STK32B: variants seen among roughly 807,000 people sequenced by gnomAD.
STK32B encodes serine/threonine kinase 32B.
A neutral mutation model predicts 52.6 loss-of-function variants in STK32B; 43 were observed. The observed-to-expected ratio is 0.82, with a 90% CI of 0.64 to 1.05. The LOEUF (loss-of-function observed/expected upper bound fraction) is 1.05, where lower values mean the gene tolerates loss of function less well. STK32B is among the 50% of genes least tolerant of loss of function. The pLI is 0.00. For missense variants in STK32B, 621 were observed against 534.6 expected (o/e 1.16, Z -1.59); for synonymous variants, 238 against 204.3 (o/e 1.17, Z -1.41).
At chr4:5,119,851 G>T (rs913507019) in intron 1 of STK32B, among the ~76,000 whole-genome samples, 1 of 152,118 alleles carries the variant, frequency 6.6e-6, no homozygotes, top group Non-Finnish European at 1.5e-5. Context: ...ACTCCATTTT[G>T]TAAAAAGTTT....
At chr4:5,140,297 TG>T in intron 2 of STK32B, 1 of 1,331,516 alleles carries the variant, frequency 7.5e-7, no homozygotes, top group Non-Finnish European at 9.8e-7. Context: ...CATAGACGTT[TG>T]TTGTTTTGGT....
In STK32B at chr4:5,051,670, G is replaced by A. The variant is rs1343199854; in HGVS notation, c.-194G>A. 4.9e-6 allele frequency: 3 copies of A among 614,156 alleles called. No individual in the cohort carries two copies. The highest frequency in any genetic ancestry group is 2.7e-6 in the Non-Finnish European group (1 of 375,966). The allele number at this position is 614,156 out of a possible 1,614,324, so 38.0% of individuals were successfully genotyped here. ...CGGCGAGAGCGGGGTCCCTGCGAGC[G>A]CAGTCGGAAGGGCGTCCAGGAGAAG... On this transcript the variant is annotated 5_prime_UTR_variant, in exon 1 of 12. Transcript: ENST00000282908.
intron 3 of STK32B, among the ~76,000 whole-genome samples, chr4:5,202,379 T>C (rs968998196): frequency 6.6e-6 from 1 of 152,206 alleles, no homozygotes; most frequent in African/African-American, 2.4e-5. Context: ...CCAAATATCA[T>C]GGCTGCTTTC....
At chr4:5,299,030 T>G (rs1362996585) in intron 3 of STK32B, among the ~76,000 whole-genome samples, 3 of 151,948 alleles carry the variant, frequency 2.0e-5, no homozygotes, top group Non-Finnish European at 2.9e-5. Context: ...CCCTCATGGC[T>G]TCCCTTGGCT....
chr4:5,317,558 T>TATAA (rs1200055898), intron 3 of STK32B, among the ~76,000 whole-genome samples: 1 of 122,848 alleles, frequency 8.1e-6, no homozygotes. Context: ...TATATATATA[T>TATAA]AACTTGAAAA....
chr4:5,471,245 G>A (rs973590631), intron 11 of STK32B, among the ~76,000 whole-genome samples: 1 of 152,184 alleles, frequency 6.6e-6, no homozygotes, highest in South Asian at 2.1e-4. Context: ...ACTTCAGAAT[G>A]TGACCTTATT....
chr4:5,293,631 G>A (rs1729021322), intron 3 of STK32B, among the ~76,000 whole-genome samples: 1 of 151,914 alleles, frequency 6.6e-6, no homozygotes, highest in African/African-American at 2.4e-5. Flanking sequence ...TTTTTGATGG[G>A]GCTGTTTGTT....
At chr4:5,153,775 A>C (rs1304549512) in intron 2 of STK32B, among the ~76,000 whole-genome samples, 3 of 152,174 alleles carry the variant, frequency 2.0e-5, no homozygotes, top group African/African-American at 7.2e-5. Context: ...TTTTTTCTAC[A>C]TGGAAAACAT....
chr4:5,088,274 G>A (rs541004269), intron 1 of STK32B, among the ~76,000 whole-genome samples: 1 of 152,082 alleles, frequency 6.6e-6, no homozygotes, highest in Admixed American at 6.5e-5. Context: ...TCATAGATTT[G>A]TGGGATCTAA....
intron 3 of STK32B, among the ~76,000 whole-genome samples, chr4:5,188,007 T>G (rs959246543): frequency 6.6e-6 from 1 of 152,178 alleles, no homozygotes; most frequent in African/African-American, 2.4e-5. Flanking sequence ...AGTTTCCTCG[T>G]GTAGGGCGCG....
At chr4:5,054,596 C>T (rs549128058) in intron 1 of STK32B, among the ~76,000 whole-genome samples, 4 of 152,224 alleles carry the variant, frequency 2.6e-5, no homozygotes, top group Non-Finnish European at 5.9e-5. Context: ...AATGCCTGGC[C>T]GGCCTTAAAG....
chr4:5,372,842 G>A (rs947663740), intron 4 of STK32B, among the ~76,000 whole-genome samples: 1 of 152,082 alleles, frequency 6.6e-6, no homozygotes, highest in East Asian at 1.9e-4. Flanking sequence ...GAGCATGAAA[G>A]CCTAGTTTTC....
intron 3 of STK32B, among the ~76,000 whole-genome samples, chr4:5,177,279 G>C (rs1193084837): frequency 1.3e-5 from 2 of 152,192 alleles, no homozygotes; most frequent in Non-Finnish European, 2.9e-5. Context: ...AGGATGGAGT[G>C]AGTGCCAGTG....
At chr4:5,220,345 G>A (rs768474931) in intron 3 of STK32B, among the ~76,000 whole-genome samples, 1 of 152,180 alleles carries the variant, frequency 6.6e-6, no homozygotes, top group African/African-American at 2.4e-5. Context: ...CAGTACTTTT[G>A]TGATGATTGG....
chr4:5,317,993 C>G (rs1332461147), intron 3 of STK32B, among the ~76,000 whole-genome samples: 2 of 152,130 alleles, frequency 1.3e-5, no homozygotes, highest in South Asian at 2.1e-4. Context: ...GGCCAGCAAT[C>G]TGTGTTTTCA....
chr4:5,464,295 A>C (rs1201123631), intron 9 of STK32B, among the ~76,000 whole-genome samples: 1 of 152,160 alleles, frequency 6.6e-6, no homozygotes, highest in Non-Finnish European at 1.5e-5. Flanking sequence ...AAGTTATGTC[A>C]CCTTCTGAAG....
chr4:5,424,548 G>A (rs1020293798), intron 6 of STK32B, among the ~76,000 whole-genome samples: 1 of 152,226 alleles, frequency 6.6e-6, no homozygotes, highest in Admixed American at 6.5e-5. Flanking sequence ...GCGGAGAGGA[G>A]CTACCTGCTG....
rs1052161166 is a variant in STK32B at position 5,446,930 on chromosome 4, C to T, written c.666+154C>T. The stretch of plus-strand genomic sequence containing the variant: ...TTTCAGTCCTGATGCCTGTGTGCCG[C>T]CTATGAACGCCCTGAACTTCTGGTC... On this transcript the variant is annotated intron_variant, in intron 7 of 11. Coordinates refer to ENST00000282908, the MANE Select transcript of STK32B (RefSeq NM_018401.3). The T allele has an allele frequency of 7.9e-6, 5 of 636,312 alleles. No individual in the cohort carries two copies. In the African/African-American group the frequency reaches 9.1e-5, roughly 12 times the overall value. The allele number at this position is 636,312 out of a possible 1,614,324, so 39.4% of individuals were successfully genotyped here. A position where few individuals can be genotyped will look rare whatever the true frequency, so the allele number is the denominator to read the frequency against.
At chr4:5,462,441 C>T (rs1390978168) in intron 9 of STK32B, among the ~76,000 whole-genome samples, 1 of 151,904 alleles carries the variant, frequency 6.6e-6, no homozygotes, top group South Asian at 2.1e-4. Context: ...GCCTTGGGGC[C>T]GGCAGGGGCA....
Sources: gnomAD v4.1 joint callset for allele counts (sites outside exome capture counted in the v4.1 genomes callset) on GRCh38, gnomAD v4.1.1 for gene constraint, MANE v1.5 for transcripts, NCBI Gene and HGNC (gene_info 2026-07-23, HGNC 2026-07-21) for gene names.